The following CNTN4 variants were observed in gnomAD, a reference collection of about 807,000 sequenced individuals.
CNTN4 encodes contactin 4, also known as contactin-4.
In CNTN4, 77 loss-of-function variants were observed where a neutral mutation model predicts 122.5. The observed-to-expected ratio is 0.63, with a 90% confidence interval of 0.52 to 0.76. The LOEUF is 0.76. Among genes scored for constraint, CNTN4 ranks in the 30% least tolerant of loss-of-function variants. The probability of loss-of-function intolerance (pLI) is 0.00; values close to 1 mark genes in which losing one functional copy is unlikely to be tolerated. For synonymous variants in CNTN4, 512 were observed against 447.0 expected (o/e 1.15, Z -1.83); for missense variants, 1,256 against 1,259.1 (o/e 1.00, Z 0.04).
intron 3 of CNTN4, among the ~76,000 whole-genome samples, chr3:2,565,699 A>G (rs546641307): frequency 1.4e-4 from 21 of 152,340 alleles, no homozygotes; most frequent in Admixed American, 7.8e-4. Flanking sequence ...CTGATTGAAC[A>G]TTAAGATTTT....
chr3:2,237,390 G>A (rs140443893), intron 2 of CNTN4, among the ~76,000 whole-genome samples: 3 of 152,194 alleles, frequency 2.0e-5, no homozygotes, highest in East Asian at 1.9e-4. Flanking sequence ...CAGTAGGATC[G>A]CTTGAGGCCA....
At chr3:2,617,070 C>G (rs1488122807) in intron 4 of CNTN4, among the ~76,000 whole-genome samples, 3 of 152,158 alleles carry the variant, frequency 2.0e-5, no homozygotes, top group Admixed American at 2.0e-4. Context: ...CCATTCAGGA[C>G]ACGGGCACGG....
chr3:2,820,341 C>T (rs565766562), intron 7 of CNTN4, among the ~76,000 whole-genome samples: 10 of 152,050 alleles, frequency 6.6e-5, no homozygotes, highest in East Asian at 1.9e-4. Context: ...ATGAACAGCC[C>T]GATAAACATA....
chr3:2,308,936 T>C (rs1417286618), intron 2 of CNTN4, among the ~76,000 whole-genome samples: 3 of 152,142 alleles, frequency 2.0e-5, no homozygotes, highest in African/African-American at 7.2e-5. Context: ...ATGTGTATTC[T>C]ACTGTTTGGA....
At position 2,343,628 on chromosome 3, in the gene CNTN4, C is replaced by G. The variant is rs1575420184; in HGVS notation, c.-89+4395C>G. ...GATTGCTCTCACTATGTGGAGTACACTTTCATTTCAATAAACCTGTGCTTT... is the reference window on the plus strand; with the variant it reads ...GATTGCTCTCACTATGTGGAGTACAGTTTCATTTCAATAAACCTGTGCTTT... On this transcript the variant is annotated intron_variant, in intron 3 of 24. Coordinates refer to ENST00000418658, the MANE Select transcript of CNTN4 (RefSeq NM_175607.3). 3.3e-5 allele frequency among the ~76,000 whole-genome samples: 5 copies of G among 152,218 alleles called. No homozygotes were observed. The South Asian group carries it at 1.0e-3, about 32-fold the overall frequency.
intron 4 of CNTN4, among the ~76,000 whole-genome samples, chr3:2,729,680 G>T (rs527902557): frequency 9.2e-5 from 14 of 151,620 alleles, no homozygotes; most frequent in South Asian, 2.1e-4. Context: ...TTTGGGATGC[G>T]AAGGCAGGCG....
At chr3:3,026,723 C>A (rs566919078) in intron 15 of CNTN4, among the ~76,000 whole-genome samples, 2 of 152,256 alleles carry the variant, frequency 1.3e-5, no homozygotes, top group South Asian at 4.1e-4. Flanking sequence ...GTAGAAGGCA[C>A]GTCATTGTGA....
At chr3:2,334,859 C>G (rs1575401573) in intron 2 of CNTN4, among the ~76,000 whole-genome samples, 1 of 152,110 alleles carries the variant, frequency 6.6e-6, no homozygotes, top group East Asian at 1.9e-4. Flanking sequence ...TATTTTCATG[C>G]TCTTACCTGT....
rs1287681695 is a variant in CNTN4, at chr3:2,419,094, A to G, written c.-89+79861A>G. Among the ~76,000 whole-genome samples the G allele has an allele frequency of 5.9e-5, 9 of 152,224 alleles. No homozygotes were observed. In the East Asian group the frequency reaches 1.7e-3, roughly 29 times the overall value. On this transcript the variant is annotated intron_variant, in intron 3 of 24. Transcript: ENST00000418658. ...ATGGCTATATGGTTCACGTTTAAAA[A>G]TAATTTCTAAAAATTGGATACCCCT... is the stretch of plus-strand genomic sequence containing the variant.
chr3:2,124,470 A>C (rs1443524510), intron 2 of CNTN4, among the ~76,000 whole-genome samples: 3 of 144,476 alleles, frequency 2.1e-5, no homozygotes, highest in African/African-American at 5.0e-5. Context: ...ACACACACAC[A>C]CACCCCCTTA....
intron 2 of CNTN4, among the ~76,000 whole-genome samples, chr3:2,174,207 G>A (rs1364708613): frequency 6.6e-6 from 1 of 152,102 alleles, no homozygotes; most frequent in Non-Finnish European, 1.5e-5. Context: ...GTGGAAAAGA[G>A]GCTATAGTTG....
At chr3:2,615,195 G>A (rs2081662348) in intron 4 of CNTN4, among the ~76,000 whole-genome samples, 1 of 152,150 alleles carries the variant, frequency 6.6e-6, no homozygotes, top group African/African-American at 2.4e-5. Context: ...TAAATAGTCT[G>A]TATCATATTA....
chr3:2,645,977 T>C (rs554292713), intron 4 of CNTN4, among the ~76,000 whole-genome samples: 89 of 152,348 alleles, frequency 5.8e-4, no homozygotes, highest in African/African-American at 2.0e-3. Flanking sequence ...ACAGTGGGAA[T>C]ATATATACTG....
intron 4 of CNTN4, among the ~76,000 whole-genome samples, chr3:2,681,593 T>C (rs2085169759): frequency 1.3e-5 from 2 of 152,122 alleles, no homozygotes; most frequent in South Asian, 4.1e-4. Context: ...GGTTGTACCT[T>C]TTCTGTATAT....
At chr3:2,497,255 A>C (rs137898768) in intron 3 of CNTN4, among the ~76,000 whole-genome samples, 238 of 152,228 alleles carry the variant, frequency 1.6e-3, no homozygotes, top group African/African-American at 5.6e-3. Flanking sequence ...TTCTCACTAC[A>C]ACCTTTAATG....
intron 3 of CNTN4, among the ~76,000 whole-genome samples, chr3:2,468,194 A>T (rs2075568532): frequency 6.6e-6 from 1 of 152,228 alleles, no homozygotes; most frequent in African/African-American, 2.4e-5. Context: ...TAATTAACCA[A>T]AATAGAAAAA....
At chr3:3,008,486 A>T (rs1474419622) in intron 14 of CNTN4, among the ~76,000 whole-genome samples, 2 of 152,360 alleles carry the variant, frequency 1.3e-5, no homozygotes, top group East Asian at 3.9e-4. Flanking sequence ...ATTAAATATG[A>T]TGGGGAAGAG....
chr3:2,861,933 G>A (rs1347505047), intron 7 of CNTN4, among the ~76,000 whole-genome samples: 2 of 152,128 alleles, frequency 1.3e-5, no homozygotes, highest in African/African-American at 4.8e-5. Context: ...ATTTCTTCTG[G>A]CTCCAAAATA....
chr3:2,575,722 A>C lies in CNTN4; in HGVS notation c.55+4164A>C, dbSNP rs913033063. Among the ~76,000 whole-genome samples the C allele has an allele frequency of 4.6e-5, 7 of 152,040 alleles. No individual in the cohort carries two copies. The East Asian group carries it at 1.4e-3, about 29-fold the overall frequency. The stretch of plus-strand genomic sequence containing the variant: ...TAAAATGGCAATATTTATTTTGACC[A>C]ATATCTTCTATGCTTTTTATTGCTT... On this transcript the variant is annotated intron_variant, in intron 4 of 24. Coordinates refer to ENST00000418658, the MANE Select transcript of CNTN4 (RefSeq NM_175607.3).
Sources: allele counts gnomAD v4.1 joint callset (sites outside exome capture counted in the v4.1 genomes callset), GRCh38; gene constraint gnomAD v4.1.1; transcripts MANE v1.5; gene names NCBI Gene and HGNC (gene_info 2026-07-23, HGNC 2026-07-21).